The following NCF2 variants were observed in gnomAD, a reference collection of about 807,000 sequenced individuals.
NCF2 encodes neutrophil cytosolic factor 2.
A neutral mutation model predicts 70.9 loss-of-function variants in NCF2; 45 were observed. The ratio of observed to expected loss-of-function variants is 0.63; its 90% CI spans 0.50 to 0.81. NCF2 has a LOEUF of 0.81. NCF2 is among the 40% of genes least tolerant of loss of function. NCF2 has a pLI of 0.00. For synonymous variants in NCF2, 203 were observed against 233.6 expected, an observed-to-expected ratio of 0.87 and a Z score of 1.19; for missense variants, 522 against 631.6, an observed-to-expected ratio of 0.83 and a Z score of 1.86.
At position 183,563,496 on chromosome 1, in the gene NCF2, G is replaced by C; in HGVS notation, c.1116C>G (p.Tyr372Ter). The change falls in exon 12 of 15, where the codon TAC becomes TAG. Residue 372 changes from tyrosine to a stop codon, truncating the protein, a stop_gained. Coordinates refer to ENST00000367535, the MANE Select transcript of NCF2 (RefSeq NM_000433.4). LOFTEE classifies it high-confidence loss of function. Reference sequence around the variant, plus strand: ...TAGACACCATGTCCCGGACCTGGCTGTAGGGGAGCCCGGGCTGAGTCTTCA... The same window carrying C: ...TAGACACCATGTCCCGGACCTGGCTCTAGGGGAGCCCGGGCTGAGTCTTCA... ...VVMKTQPGLP[Y>*]SQVRDMVSKK... The C allele has an allele frequency of 6.2e-7, 1 of 1,614,192 alleles. No homozygotes were observed. Among genetic ancestry groups the C allele is most frequent in the South Asian group, 1.1e-5 (1 of 91,084 alleles).
chr1:183,563,752 T>C, intron 11 of NCF2, 167 bp from the exon 12 acceptor site: 2 of 880,344 alleles, frequency 2.3e-6, no homozygotes, highest in Admixed American at 2.2e-5. Context: ...AGAGGTCCTT[T>C]AGCCCAACCC....
At chr1:183,567,386 C>G (rs1672357351) in intron 7 of NCF2, 41 bp from the exon 8 acceptor site, 1 of 1,612,086 alleles carries the variant, frequency 6.2e-7, no homozygotes, top group Non-Finnish European at 8.5e-7. Context: ...CATCCCCTCA[C>G]ATGATGCCAT....
chr1:183,555,851 C>T lies in NCF2; in HGVS notation c.*267G>A. On this transcript the variant is annotated 3_prime_UTR_variant, in exon 15 of 15. Coordinates refer to ENST00000367535, the MANE Select transcript of NCF2 (RefSeq NM_000433.4). ...AAACAGGATCAGTACCTGGAAGACT[C>T]TCTCGTGCCCTTTCCAGACACTTCC... The T allele has an allele frequency of 1.9e-6, 1 of 532,164 alleles. No individual in the cohort carries two copies. Among genetic ancestry groups the T allele is most frequent in the Non-Finnish European group, 3.4e-6 (1 of 294,530 alleles). The allele number at this position is 532,164 out of a possible 1,614,324, so 33.0% of individuals were successfully genotyped here.
At chr1:183,572,412 G>C (rs2102901731) in intron 5 of NCF2, among the ~76,000 whole-genome samples, 1 of 152,236 alleles carries the variant, frequency 6.6e-6, no homozygotes, top group South Asian at 2.1e-4. Context: ...TTGAACTCCT[G>C]ACCTCGTGAT....
At chr1:183,583,878 A>T (rs761770492) in intron 2 of NCF2, among the ~76,000 whole-genome samples, 11 of 151,840 alleles carry the variant, frequency 7.2e-5, no homozygotes, top group African/African-American at 1.5e-4. Context: ...CTTTTTTTAA[A>T]TTTTTTTTTA....
intron 2 of NCF2, among the ~76,000 whole-genome samples, chr1:183,585,808 G>A (rs957224920): frequency 1.3e-5 from 2 of 152,006 alleles, no homozygotes; most frequent in Admixed American, 6.6e-5. Context: ...AGAGGGAGGA[G>A]GAATTGAGAT....
chr1:183,584,378 G>C (rs966455974), intron 2 of NCF2, among the ~76,000 whole-genome samples: 1 of 152,206 alleles, frequency 6.6e-6, no homozygotes, highest in Admixed American at 6.5e-5. Flanking sequence ...GTTGAGATTA[G>C]TGCCTCATTT....
At chr1:183,586,792 A>T (rs1209985201) in intron 2 of NCF2, 103 bp downstream of exon 2, 2 of 1,047,970 alleles carry the variant, frequency 1.9e-6, no homozygotes, top group Non-Finnish European at 1.5e-6. Flanking sequence ...ACATTTCCCA[A>T]CAGAGGTTGG....
intron 1 of NCF2, among the ~76,000 whole-genome samples, chr1:183,588,314 A>G (rs1267615015): frequency 6.6e-6 from 1 of 152,136 alleles, no homozygotes; most frequent in Non-Finnish European, 1.5e-5. Context: ...TTCTTTGAAA[A>G]ATGAAACATC....
In NCF2 at chr1:183,560,232, T is replaced by A; in HGVS notation, c.1332A>T (p.Lys444Asn). 6.2e-7 allele frequency: 1 copy of A among 1,614,212 alleles called. No homozygotes were observed. ...GFPDEPKESE[K>N]ADANNQTTEP... ...CTGTTGTCTGGTTATTAGCATCAGC[T>A]TTTTCACTTTCCTTGGGTTCATCTG... is the stretch of plus-strand genomic sequence containing the variant. Residue 444 changes from lysine to asparagine, a missense_variant, in exon 14 of 15, where the codon AAA (lysine) becomes AAT (asparagine). By Grantham distance (94) the Lys-to-Asn change is moderately conservative. Transcript: ENST00000367535.
intron 2 of NCF2, among the ~76,000 whole-genome samples, chr1:183,586,649 G>A (rs914387055): frequency 6.6e-6 from 1 of 152,120 alleles, no homozygotes; most frequent in African/African-American, 2.4e-5. Context: ...CAGGCCCATG[G>A]TGGTTACCTA....
chr1:183,560,400 G>T, intron 13 of NCF2, 127 bp from the exon 14 acceptor site: 1 of 1,065,980 alleles, frequency 9.4e-7, no homozygotes, highest in Non-Finnish European at 1.4e-6. Flanking sequence ...TGTGATCAGT[G>T]CCTTGTGTAG....
intron 6 of NCF2, among the ~76,000 whole-genome samples, chr1:183,570,190 G>C (rs923905093): frequency 2.0e-5 from 3 of 152,236 alleles, no homozygotes; most frequent in Admixed American, 2.0e-4. Flanking sequence ...TTTCCTTAAT[G>C]TGTTTTCCCC....
At position 183,581,025 on chromosome 1, in the gene NCF2, G is replaced by C. The variant is rs201449237; in HGVS notation, c.258-3318C>G. 2.7e-5 allele frequency among the ~76,000 whole-genome samples: 4 copies of C among 150,334 alleles called. No homozygotes were observed. The East Asian group carries it at 7.8e-4, about 29-fold the overall frequency. On this transcript the variant is annotated intron_variant, in intron 2 of 14. Coordinates refer to ENST00000367535, the MANE Select transcript of NCF2 (RefSeq NM_000433.4). Reference sequence around the variant, plus strand: ...ACAGATTTGGGCCTGGTAGGAGAGAGAGAGAAAGAACTGACAAATTATTCA... The same window carrying C: ...ACAGATTTGGGCCTGGTAGGAGAGACAGAGAAAGAACTGACAAATTATTCA...
intron 10 of NCF2, among the ~76,000 whole-genome samples, chr1:183,564,377 A>G (rs1174808439): frequency 6.6e-6 from 1 of 152,248 alleles, no homozygotes; most frequent in Non-Finnish European, 1.5e-5. Context: ...AAGGTGAGCC[A>G]GAGGCCACAG....
chr1:183,597,060 T>C, the NCF2 span, among the ~76,000 whole-genome samples: 2 of 152,230 alleles, frequency 1.3e-5, no homozygotes, highest in African/African-American at 4.8e-5. Flanking sequence ...ATCAAAGTCT[T>C]AATAAATATG....
rs1672952293 is a variant in NCF2 at position 183,579,415 on chromosome 1, T to C, written c.258-1708A>G. On this transcript the variant is annotated intron_variant, in intron 2 of 14. Transcript: ENST00000367535. ...AGTTACCTAGCTTCCCTAAGTCTGT[T>C]TCCCCATCTTTAGAATAAGAGAATA... Among the ~76,000 whole-genome samples the C allele has an allele frequency of 2.6e-5, 4 of 152,032 alleles. No individual in the cohort carries two copies. The South Asian group carries it at 8.3e-4, about 32-fold the overall frequency.
chr1:183,556,380 A>G, intron 14 of NCF2, 150 bp from the exon 15 acceptor site: 1 of 719,638 alleles, frequency 1.4e-6, no homozygotes, highest in Non-Finnish European at 2.5e-6. Context: ...AAGTGGTTTG[A>G]GAGTGAACAC....
intron 2 of NCF2, among the ~76,000 whole-genome samples, chr1:183,579,670 C>G (rs948575776): frequency 1.5e-5 from 2 of 135,122 alleles, no homozygotes; most frequent in African/African-American, 2.8e-5. Context: ...ACCCAGGAGG[C>G]AGAGCTTGCA....
Sources: gnomAD v4.1 joint callset for allele counts (sites outside exome capture counted in the v4.1 genomes callset) on GRCh38, gnomAD v4.1.1 for gene constraint, MANE v1.5 for transcripts, NCBI Gene and HGNC (gene_info 2026-07-23, HGNC 2026-07-21) for gene names.